EGFLAM: variants seen among roughly 807,000 people sequenced by gnomAD.
EGFLAM encodes EGF like, fibronectin type III and laminin G domains, also known as pikachurin.
In EGFLAM, 79 loss-of-function variants were observed where a neutral mutation model predicts 113.1. That is an observed-to-expected ratio of 0.70 (90% CI 0.58 to 0.84). The LOEUF (loss-of-function observed/expected upper bound fraction) is 0.84. Ranked by LOEUF, EGFLAM falls within the 40% of genes least tolerant of loss-of-function variation. The pLI is 0.00. For missense variants in EGFLAM, 1,265 were observed against 1,291.6 expected (o/e 0.98, Z 0.32); for synonymous variants, 504 against 487.6 (o/e 1.03, Z -0.44).
chr5:38,357,605 C>G (rs1380536487), intron 5 of EGFLAM, among the ~76,000 whole-genome samples: 1 of 152,080 alleles, frequency 6.6e-6, no homozygotes, highest in Non-Finnish European at 1.5e-5. Flanking sequence ...CCAAAAGGTC[C>G]TTATTATTAT....
intron 6 of EGFLAM, among the ~76,000 whole-genome samples, chr5:38,386,693 G>A (rs1485669629): frequency 6.6e-6 from 1 of 152,094 alleles, no homozygotes; most frequent in East Asian, 1.9e-4. Context: ...TTTTAGTAGA[G>A]ACGGGGTTTC....
At chr5:38,308,291 G>T (rs2111849870) in intron 1 of EGFLAM, among the ~76,000 whole-genome samples, 1 of 152,250 alleles carries the variant, frequency 6.6e-6, no homozygotes. Flanking sequence ...GGGCTGTGGG[G>T]CCCTGCCTGC....
intron 3 of EGFLAM, among the ~76,000 whole-genome samples, chr5:38,347,332 C>A (rs1156725936): frequency 6.6e-6 from 1 of 152,138 alleles, no homozygotes; most frequent in African/African-American, 2.4e-5. Context: ...CTATGCTAAG[C>A]TTTGGGATGC....
intron 6 of EGFLAM, among the ~76,000 whole-genome samples, chr5:38,386,030 T>A (rs1378633115): frequency 6.6e-6 from 1 of 152,194 alleles, no homozygotes; most frequent in Non-Finnish European, 1.5e-5. Flanking sequence ...GTTTGTACAA[T>A]TACACATGGA....
chr5:38,285,493 C>T (rs554984780), intron 1 of EGFLAM, among the ~76,000 whole-genome samples: 4 of 152,082 alleles, frequency 2.6e-5, no homozygotes, highest in African/African-American at 7.2e-5. Flanking sequence ...GGAGGTGATG[C>T]ACCAGGGCCA....
chr5:38,331,344 A>T (rs1466929815), intron 1 of EGFLAM, among the ~76,000 whole-genome samples: 1 of 152,160 alleles, frequency 6.6e-6, no homozygotes, highest in Non-Finnish European at 1.5e-5. Flanking sequence ...ATCTACCATT[A>T]TGGTATCATA....
At chr5:38,421,765 A>G (rs1741830835) in intron 12 of EGFLAM, among the ~76,000 whole-genome samples, 1 of 152,090 alleles carries the variant, frequency 6.6e-6, no homozygotes, top group Non-Finnish European at 1.5e-5. Flanking sequence ...AGTTTCTCAG[A>G]AGAGGAAGTT....
chr5:38,407,772 G>C (rs1424543854), intron 8 of EGFLAM, 33 bp from the exon 9 acceptor site: 5 of 1,520,816 alleles, frequency 3.3e-6, no homozygotes, highest in Non-Finnish European at 4.5e-6. Context: ...TGAGGAAATA[G>C]CATTCTTTTG....
chr5:38,402,200 A>G (rs1241265137), intron 6 of EGFLAM: 4 of 152,230 alleles, frequency 2.6e-5, no homozygotes, highest in Admixed American at 2.6e-4. Context: ...CAGTTTGGCT[A>G]TTATATAGCT....
intron 1 of EGFLAM, among the ~76,000 whole-genome samples, chr5:38,314,383 G>T (rs1180068573): frequency 6.6e-6 from 1 of 152,128 alleles, no homozygotes; most frequent in Non-Finnish European, 1.5e-5. Context: ...CAGTTAAAGG[G>T]TATTTAAGTC....
chr5:38,341,470 G>T (rs1739335426), intron 3 of EGFLAM, among the ~76,000 whole-genome samples: 1 of 152,154 alleles, frequency 6.6e-6, no homozygotes, highest in Non-Finnish European at 1.5e-5. Context: ...ACCTCCAGCT[G>T]GTCCCACCCT....
At chr5:38,377,859 GGA>G (rs1365747149) in intron 6 of EGFLAM, among the ~76,000 whole-genome samples, 6 of 152,126 alleles carry the variant, frequency 3.9e-5, no homozygotes, top group South Asian at 2.1e-4. Context: ...GTTGGTGAAA[GGA>G]GAGACATTTT....
At position 38,406,963 on chromosome 5, in the gene EGFLAM, G is replaced by T. The variant is rs771397945; in HGVS notation, c.964G>T (p.Ala322Ser). The T allele has an allele frequency of 6.2e-7, 1 of 1,614,148 alleles. No homozygotes were observed. The highest frequency in any genetic ancestry group is 8.5e-7 in the Non-Finnish European group (1 of 1,180,034). Residue 322 changes from alanine to serine, a missense_variant, in exon 8 of 22, where the codon GCT (alanine) becomes TCT (serine). By Grantham distance (99) the Ala-to-Ser change is moderately conservative (BLOSUM62 1). Coordinates refer to ENST00000322350, the MANE Select transcript of EGFLAM (RefSeq NM_152403.4). ...TSASLPVTTV[A>S]PQPIPIQRKG... Reference sequence around the variant, plus strand: ...AGCATCTCTCCCTGTGACCACGGTGGCTCCCCAGCCCATTCCCATACAGAG... The same window carrying T: ...AGCATCTCTCCCTGTGACCACGGTGTCTCCCCAGCCCATTCCCATACAGAG...
At chr5:38,387,842 A>G (rs1273572062) in intron 6 of EGFLAM, among the ~76,000 whole-genome samples, 1 of 152,232 alleles carries the variant, frequency 6.6e-6, no homozygotes, top group Non-Finnish European at 1.5e-5. Flanking sequence ...CAGGCTGTCT[A>G]TGAGGTTTTC....
chr5:38,395,279 T>C (rs1200311861), intron 6 of EGFLAM, among the ~76,000 whole-genome samples: 5 of 149,034 alleles, frequency 3.4e-5, no homozygotes, highest in Non-Finnish European at 7.4e-5. Flanking sequence ...GGTCTCGGTC[T>C]GTCACCCAGG....
intron 1 of EGFLAM, among the ~76,000 whole-genome samples, chr5:38,300,972 A>G (rs559093949): frequency 1.4e-4 from 22 of 152,362 alleles, no homozygotes; most frequent in Admixed American, 5.2e-4. Context: ...ATGTCAAGTC[A>G]GATGAGAGAG....
At chr5:38,263,960 A>G (rs1409880579) in intron 1 of EGFLAM, among the ~76,000 whole-genome samples, 2 of 152,160 alleles carry the variant, frequency 1.3e-5, no homozygotes, top group Non-Finnish European at 2.9e-5. Flanking sequence ...TGGCTGTGCC[A>G]TTAAGACCTC....
At chr5:38,308,753 C>T (rs953594205) in intron 1 of EGFLAM, among the ~76,000 whole-genome samples, 1 of 152,090 alleles carries the variant, frequency 6.6e-6, no homozygotes, top group Non-Finnish European at 1.5e-5. Context: ...CTATCAGGCC[C>T]ATCTCACCAA....
intron 1 of EGFLAM, among the ~76,000 whole-genome samples, chr5:38,278,746 C>T (rs1007705285): frequency 3.3e-5 from 5 of 151,946 alleles, no homozygotes; most frequent in Admixed American, 6.6e-5. Context: ...GGCTTGGCCT[C>T]CCAAAGTGCT....
Sources: allele counts gnomAD v4.1 joint callset (sites outside exome capture counted in the v4.1 genomes callset), GRCh38; gene constraint gnomAD v4.1.1; transcripts MANE v1.5; gene names NCBI Gene and HGNC (gene_info 2026-07-23, HGNC 2026-07-21).